Variants in YTHDC2 observed in about 807,000 individuals in gnomAD.
YTHDC2 encodes 3'-5' RNA helicase YTHDC2.
A neutral mutation model predicts 174.9 loss-of-function variants in YTHDC2; 45 were observed. That is an observed-to-expected ratio of 0.26 (90% CI 0.20 to 0.33). The LOEUF (loss-of-function observed/expected upper bound fraction) is 0.33, where lower values mean the gene tolerates loss of function less well. Ranked by LOEUF, YTHDC2 falls within the 10% of genes least tolerant of loss-of-function variation. The probability of loss-of-function intolerance (pLI) is 1.00; values close to 1 mark genes in which losing one functional copy is unlikely to be tolerated. For missense variants in YTHDC2, 1,650 were observed against 1,723.7 expected, an observed-to-expected ratio of 0.96 and a Z score of 0.76; for synonymous variants, 657 against 574.5, an observed-to-expected ratio of 1.14 and a Z score of -2.05.
At chr5:113,554,798 A>G (rs1214942151) in intron 16 of YTHDC2, among the ~76,000 whole-genome samples, 3 of 151,950 alleles carry the variant, frequency 2.0e-5, no homozygotes, top group Non-Finnish European at 4.4e-5. Flanking sequence ...GCAGTTGTCC[A>G]TGTTCCTAAC....
In YTHDC2 at chr5:113,525,114, A is replaced by G. The variant is rs1261880344; in HGVS notation, c.412A>G (p.Asn138Asp). 4 of 1,611,966 alleles carry G rather than the reference A, an allele frequency of 2.5e-6. No homozygotes were observed. The highest frequency in any genetic ancestry group is 1.1e-5 in the South Asian group (1 of 90,714). ...RSLIQRFPVT[N>D]KERTELLPKT... is the part of the protein sequence containing the mutation. ...CCTAATTCAAAGATTTCCTGTCACC[A>G]ATAAAGAGCGTACAGAACTTCTGCC... Residue 138 changes from asparagine to aspartate, a missense_variant, in exon 3 of 30, where the codon AAT (asparagine) becomes GAT (aspartate). Physicochemically the swap from Asn to Asp is conservative, Grantham distance 23 (BLOSUM62 1). Coordinates refer to ENST00000161863, the MANE Select transcript of YTHDC2 (RefSeq NM_022828.5).
In YTHDC2 at chr5:113,532,950, A is replaced by G; in HGVS notation, c.747A>G (p.Arg249=). 2 of 1,614,170 alleles carry G rather than the reference A, an allele frequency of 1.2e-6. No homozygotes were observed. Among genetic ancestry groups the G allele is most frequent in the Non-Finnish European group, 1.7e-6 (2 of 1,180,026 alleles). ...GCCGTATATTTTGTACTCAACCAAG[A>G]CGATTGGCAGCTATCGCTGTGGCTG... ...IPCRIFCTQP[R]RLAAIAVAER... The change falls in exon 5 of 30, where the codon AGA becomes AGG. Residue 249 remains arginine (R), a synonymous_variant. Coordinates refer to ENST00000161863, the MANE Select transcript of YTHDC2 (RefSeq NM_022828.5).
intron 27 of YTHDC2, 41 bp from the exon 28 acceptor site, chr5:113,591,955 C>G (rs753334138): frequency 7.2e-6 from 10 of 1,393,668 alleles, no homozygotes; most frequent in Non-Finnish European, 1.9e-6. Flanking sequence ...ACATGCTAAT[C>G]TCCTCCTCAC....
intron 17 of YTHDC2, among the ~76,000 whole-genome samples, chr5:113,558,775 A>T (rs1374088966): frequency 1.3e-5 from 2 of 152,062 alleles, no homozygotes; most frequent in Non-Finnish European, 2.9e-5. Flanking sequence ...TACAAAAATT[A>T]GCCAGGTGTG....
At chr5:113,577,484 C>T (rs1197940485) in intron 23 of YTHDC2, among the ~76,000 whole-genome samples, 1 of 152,090 alleles carries the variant, frequency 6.6e-6, no homozygotes, top group Non-Finnish European at 1.5e-5. Context: ...ATCCTCCCAC[C>T]TCAGTCTCTC....
chr5:113,544,251 T>C (rs1216458019), intron 10 of YTHDC2, among the ~76,000 whole-genome samples: 1 of 152,178 alleles, frequency 6.6e-6, no homozygotes, highest in Middle Eastern at 3.4e-3. Context: ...CGGGTTCAAG[T>C]GATTCTTCTG....
At chr5:113,569,757 T>C (rs1048944652) in intron 23 of YTHDC2, among the ~76,000 whole-genome samples, 2 of 152,228 alleles carry the variant, frequency 1.3e-5, no homozygotes, top group African/African-American at 4.8e-5. Flanking sequence ...CCCTGTAGTA[T>C]AGCTTGAAGT....
intron 23 of YTHDC2, among the ~76,000 whole-genome samples, chr5:113,570,148 G>A (rs1031725554): frequency 6.6e-6 from 1 of 152,014 alleles, no homozygotes; most frequent in Non-Finnish European, 1.5e-5. Context: ...CCAGGCTGGA[G>A]TGCAGTGGCA....
At chr5:113,526,826 A>ATATAT (rs1554092443) in intron 4 of YTHDC2, 41 bp downstream of exon 4, 47 of 146,194 alleles carry the variant, frequency 3.2e-4, no homozygotes, top group African/African-American at 4.3e-4. Context: ...AAAAAAAAAA[A>ATATAT]ATATATATAT....
At chr5:113,535,281 A>G (rs1195312600) in intron 6 of YTHDC2, among the ~76,000 whole-genome samples, 1 of 152,186 alleles carries the variant, frequency 6.6e-6, no homozygotes, top group Non-Finnish European at 1.5e-5. Flanking sequence ...GTACTAGGTA[A>G]TATAGGTAGT....
chr5:113,536,841 G>A lies in YTHDC2; in HGVS notation c.1102+1043G>A, dbSNP rs183008714. ...ATGCAAATATATACACATTTATAAC[G>A]TTTACAAAAATTGGTTTTATAAACA... On this transcript the variant is annotated intron_variant, in intron 7 of 29. Coordinates refer to ENST00000161863, the MANE Select transcript of YTHDC2 (RefSeq NM_022828.5). 4.8e-3 allele frequency among the ~76,000 whole-genome samples: 713 copies of A among 148,458 alleles called. 2 individuals are homozygous for A. The highest frequency in any genetic ancestry group is 6.8e-3 in the Non-Finnish European group (457 of 67,370).
intron 17 of YTHDC2, among the ~76,000 whole-genome samples, chr5:113,559,640 C>T (rs1309315752): frequency 6.6e-6 from 1 of 152,132 alleles, no homozygotes; most frequent in African/African-American, 2.4e-5. Flanking sequence ...TTCAGGTTAC[C>T]CAATTCTGAC....
chr5:113,584,865 T>A (rs538428835), intron 26 of YTHDC2, among the ~76,000 whole-genome samples: 114 of 144,250 alleles, frequency 7.9e-4, no homozygotes, highest in African/African-American at 2.8e-3. Context: ...AGCCTTGAAC[T>A]CCTGGGCTCA....
intron 5 of YTHDC2, among the ~76,000 whole-genome samples, chr5:113,533,275 G>C (rs938853696): frequency 6.6e-6 from 1 of 152,136 alleles, no homozygotes; most frequent in Non-Finnish European, 1.5e-5. Context: ...GGACGCGGTG[G>C]CTCATGCCTG....
intron 13 of YTHDC2, 44 bp from the exon 14 acceptor site, chr5:113,553,546 G>C (rs746768293): frequency 6.3e-7 from 1 of 1,588,228 alleles, no homozygotes; most frequent in South Asian, 1.1e-5. Flanking sequence ...GATTGCCTCT[G>C]ATTCACAATG....
At chr5:113,522,137 T>G (rs1024591454) in intron 2 of YTHDC2, among the ~76,000 whole-genome samples, 65 of 70,358 alleles carry the variant, frequency 9.2e-4, no homozygotes, top group South Asian at 1.5e-3. Context: ...TTTTTTTGTT[T>G]TTTGTTTTTT....
At position 113,567,626 on chromosome 5, in the gene YTHDC2, C is replaced by T. The variant is rs201451238; in HGVS notation, c.3049-28C>T. 15 of 1,531,818 alleles carry T rather than the reference C, an allele frequency of 9.8e-6. No homozygotes were observed. The East Asian group carries it at 3.4e-4, about 35-fold the overall frequency. 94.9% of individuals were successfully genotyped at this position (1,531,818 alleles called of 1,614,324 possible). On this transcript the variant is annotated intron_variant, in intron 22 of 29. Transcript: ENST00000161863. ...TAAACTAGGTGATAAACACAATTAACAATTTTTAAAATTTATTTTCTTAAT... is the reference window on the plus strand; with the variant it reads ...TAAACTAGGTGATAAACACAATTAATAATTTTTAAAATTTATTTTCTTAAT...
chr5:113,586,425 T>C (rs536841362), intron 26 of YTHDC2, among the ~76,000 whole-genome samples: 1 of 152,108 alleles, frequency 6.6e-6, no homozygotes, highest in Admixed American at 6.6e-5. Flanking sequence ...TTAATTATTA[T>C]ATGTTTTGCA....
intron 16 of YTHDC2, 69 bp downstream of exon 16, chr5:113,554,091 A>T: frequency 7.8e-7 from 1 of 1,282,096 alleles, no homozygotes; most frequent in Non-Finnish European, 1.0e-6. Context: ...AAATACTTTT[A>T]TTTATTATTT....
Sources: gnomAD v4.1 joint callset for allele counts (sites outside exome capture counted in the v4.1 genomes callset) on GRCh38, gnomAD v4.1.1 for gene constraint, MANE v1.5 for transcripts, NCBI Gene and HGNC (gene_info 2026-07-23, HGNC 2026-07-21) for gene names.